Variants in GRM7 observed in about 807,000 individuals in gnomAD.
GRM7 encodes metabotropic glutamate receptor 7.
A neutral mutation model predicts 84.5 loss-of-function variants in GRM7; 35 were observed. That is an observed-to-expected ratio of 0.41 (90% CI 0.32 to 0.55). The LOEUF (loss-of-function observed/expected upper bound fraction) is 0.55. GRM7 is among the 20% of genes least tolerant of loss of function. GRM7 has a pLI of 0.19. For synonymous variants in GRM7, 487 were observed against 455.1 expected (o/e 1.07, Z -0.89); for missense variants, 1,003 against 1,194.6 (o/e 0.84, Z 2.36).
intron 1 of GRM7, among the ~76,000 whole-genome samples, chr3:6,951,064 G>C (rs939699378): frequency 6.6e-6 from 1 of 152,006 alleles, no homozygotes; most frequent in Admixed American, 6.6e-5. Flanking sequence ...CCCACTGTCC[G>C]GCACTCCCCA....
At chr3:7,576,222 C>T (rs1694955516) in intron 7 of GRM7, among the ~76,000 whole-genome samples, 1 of 152,126 alleles carries the variant, frequency 6.6e-6, no homozygotes, top group Non-Finnish European at 1.5e-5. Context: ...TCTCTCTTGT[C>T]ATAAGTTATT....
intron 2 of GRM7, among the ~76,000 whole-genome samples, chr3:7,254,013 C>T (rs1184647167): frequency 6.6e-6 from 1 of 152,168 alleles, no homozygotes; most frequent in Non-Finnish European, 1.5e-5. Context: ...CTTTCTCCCT[C>T]CAACCCTGGA....
In GRM7 at chr3:7,491,412, GTATATA is replaced by G. The variant is rs59392949; in HGVS notation, c.1515+29705_1515+29710del. ...AATATTAAGGAAAATGATTTAGATG[GTATATA>G]TATATATATATATAGTGAGATTATT... On this transcript the variant is annotated intron_variant, in intron 7 of 9. Transcript: ENST00000357716. Among the ~76,000 whole-genome samples the G allele has an allele frequency of 1.1e-4, 16 of 149,788 alleles. No homozygotes were observed. In the East Asian group the frequency reaches 1.6e-3, roughly 15 times the overall value.
At chr3:7,379,577 A>G (rs1255802412) in intron 4 of GRM7, among the ~76,000 whole-genome samples, 1 of 152,196 alleles carries the variant, frequency 6.6e-6, no homozygotes, top group Non-Finnish European at 1.5e-5. Flanking sequence ...TTATGAAATC[A>G]TGAGAATGTT....
rs549179197 is a variant in GRM7 at position 6,887,446 on chromosome 3, G to A, written c.519+25539G>A. ...CTTCCTGTGTCCATGTGTTCTCATTGTTCAATTCCCACCTATGAGTGAGAA... is the reference window on the plus strand; with the variant it reads ...CTTCCTGTGTCCATGTGTTCTCATTATTCAATTCCCACCTATGAGTGAGAA... On this transcript the variant is annotated intron_variant, in intron 1 of 9. Transcript: ENST00000357716. Among the ~76,000 whole-genome samples the A allele has an allele frequency of 1.7e-4, 26 of 148,676 alleles. No individual in the cohort carries two copies. The East Asian group carries it at 4.6e-3, about 26-fold the overall frequency.
chr3:7,398,513 C>G (rs1050817664), intron 4 of GRM7, among the ~76,000 whole-genome samples: 1 of 151,912 alleles, frequency 6.6e-6, no homozygotes, highest in Non-Finnish European at 1.5e-5. Context: ...GTTTCTTGTA[C>G]TAGATACACA....
chr3:7,533,233 C>G (rs1324228848), intron 7 of GRM7, among the ~76,000 whole-genome samples: 1 of 152,046 alleles, frequency 6.6e-6, no homozygotes, highest in East Asian at 1.9e-4. Context: ...TAAAGCTGAC[C>G]ACATAATTAG....
chr3:7,121,475 G>A (rs1184765827), intron 1 of GRM7, among the ~76,000 whole-genome samples: 1 of 152,030 alleles, frequency 6.6e-6, no homozygotes, highest in African/African-American at 2.4e-5. Flanking sequence ...AAGTTATTAT[G>A]AGTTATCTAT....
At chr3:7,496,868 G>A (rs1049975966) in intron 7 of GRM7, among the ~76,000 whole-genome samples, 3 of 151,968 alleles carry the variant, frequency 2.0e-5, no homozygotes, top group Non-Finnish European at 4.4e-5. Context: ...GTTAAAAAAT[G>A]TGACAAAATG....
At chr3:7,044,569 C>G (rs564441198) in intron 1 of GRM7, among the ~76,000 whole-genome samples, 1 of 152,280 alleles carries the variant, frequency 6.6e-6, no homozygotes, top group East Asian at 1.9e-4. Flanking sequence ...AAGAAAGCCG[C>G]AGTGACGTTT....
chr3:7,008,949 CA>C (rs1695276326), intron 1 of GRM7, among the ~76,000 whole-genome samples: 1 of 152,100 alleles, frequency 6.6e-6, no homozygotes. Context: ...ATGACTATCT[CA>C]TAAAATGTAT....
chr3:7,571,673 C>A (rs567689784), intron 7 of GRM7, among the ~76,000 whole-genome samples: 30 of 152,318 alleles, frequency 2.0e-4, no homozygotes, highest in Middle Eastern at 3.4e-3. Context: ...CTGTTCCAAC[C>A]TCTGCCTATT....
intron 8 of GRM7, among the ~76,000 whole-genome samples, chr3:7,634,523 C>T (rs1261618291): frequency 1.1e-4 from 15 of 137,388 alleles, no homozygotes; most frequent in African/African-American, 4.2e-4. Context: ...CCATGGCTCA[C>T]GCCTGTAACC....
chr3:7,561,004 CA>C (rs1270690046), intron 7 of GRM7, among the ~76,000 whole-genome samples: 1 of 152,070 alleles, frequency 6.6e-6, no homozygotes, highest in East Asian at 1.9e-4. Flanking sequence ...GAATAATGAG[CA>C]AATTGTTTTT....
intron 1 of GRM7, among the ~76,000 whole-genome samples, chr3:6,944,715 C>T (rs1698000695): frequency 6.6e-6 from 1 of 152,006 alleles, no homozygotes; most frequent in African/African-American, 2.4e-5. Flanking sequence ...AAGGATTTGC[C>T]CTCCTCACGT....
At chr3:7,662,024 A>G (rs1357121114) in intron 8 of GRM7, among the ~76,000 whole-genome samples, 1 of 152,114 alleles carries the variant, frequency 6.6e-6, no homozygotes, top group East Asian at 1.9e-4. Context: ...GATGAAAGGA[A>G]AAACAAATCA....
chr3:6,896,135 T>A (rs1696173604), intron 1 of GRM7, among the ~76,000 whole-genome samples: 1 of 152,194 alleles, frequency 6.6e-6, no homozygotes, highest in Non-Finnish European at 1.5e-5. Context: ...TTACTTAGTT[T>A]GGAAGCCATT....
intron 1 of GRM7, among the ~76,000 whole-genome samples, chr3:6,955,041 CTCAAACCCATAAAA>C (rs1692969386): frequency 1.3e-5 from 2 of 152,150 alleles, no homozygotes; most frequent in Admixed American, 6.5e-5. Flanking sequence ...AAAACCTTGC[CTCAAACCCATAAAA>C]TCTTAATTGC....
chr3:7,672,447 G>C (rs1362825006), intron 8 of GRM7, among the ~76,000 whole-genome samples: 1 of 152,038 alleles, frequency 6.6e-6, no homozygotes, highest in East Asian at 1.9e-4. Context: ...ATAGTCACTG[G>C]GATTTCATAA....
Sources: allele counts gnomAD v4.1 joint callset (sites outside exome capture counted in the v4.1 genomes callset), GRCh38; gene constraint gnomAD v4.1.1; transcripts MANE v1.5; gene names NCBI Gene and HGNC (gene_info 2026-07-23, HGNC 2026-07-21).